FBXL5: variants seen among roughly 807,000 people sequenced by gnomAD.
FBXL5 encodes the protein F-box and leucine rich repeat protein 5, also known as F-box/LRR-repeat protein 5.
In FBXL5, 26 loss-of-function variants were observed where a neutral mutation model predicts 78.3. The observed-to-expected ratio is 0.33, with a 90% CI of 0.24 to 0.46. The LOEUF is 0.46. Among genes scored for constraint, FBXL5 ranks in the 20% least tolerant of loss-of-function variants. The pLI, the probability that FBXL5 is intolerant of heterozygous loss-of-function variation, is 1.00. For synonymous variants in FBXL5, 295 were observed against 282.5 expected (o/e 1.04, Z -0.45); for missense variants, 710 against 829.2 (o/e 0.86, Z 1.77).
chr4:15,673,960 A>G (rs954443876), intron 1 of FBXL5, among the ~76,000 whole-genome samples: 1 of 152,218 alleles, frequency 6.6e-6, no homozygotes, highest in African/African-American at 2.4e-5. Context: ...CTGATATCCA[A>G]TATCTTGGAA....
chr4:15,616,423 G>A (rs1379551439), intron 9 of FBXL5, among the ~76,000 whole-genome samples: 2 of 152,026 alleles, frequency 1.3e-5, no homozygotes, highest in Non-Finnish European at 2.9e-5. Flanking sequence ...CAGGCAACTG[G>A]TGAGCAGGGC....
chr4:15,653,869 G>T (rs1204330086), intron 1 of FBXL5, among the ~76,000 whole-genome samples: 1 of 152,128 alleles, frequency 6.6e-6, no homozygotes, highest in Non-Finnish European at 1.5e-5. Context: ...CTGATGTCTG[G>T]GTGAAATCCT....
At chr4:15,655,467 C>A, upstream of FBXL5, 5 of 880,128 alleles carry the variant, frequency 5.7e-6, no homozygotes, top group African/African-American at 5.4e-5. Flanking sequence ...GCGATCCCTG[C>A]GGCCCACGTG....
chr4:15,628,772 G>GATACAC (rs371927577), intron 6 of FBXL5, among the ~76,000 whole-genome samples: 10 of 140,298 alleles, frequency 7.1e-5, no homozygotes, highest in African/African-American at 2.7e-4. Context: ...GCCAGACACA[G>GATACAC]ACACACACAC....
intron 1 of FBXL5, among the ~76,000 whole-genome samples, chr4:15,670,831 G>A (rs767195386): frequency 9.3e-5 from 14 of 150,908 alleles, no homozygotes; most frequent in Middle Eastern, 3.5e-3. Flanking sequence ...CTGGTACAAC[G>A]GATCTACTGA....
At chr4:15,667,986 A>G (rs1380811457) in intron 1 of FBXL5, among the ~76,000 whole-genome samples, 2 of 151,598 alleles carry the variant, frequency 1.3e-5, no homozygotes, top group Non-Finnish European at 2.9e-5. Context: ...GGTTGCGGTG[A>G]GCCAAGATTG....
chr4:15,641,981 T>A (rs972326829), intron 2 of FBXL5, among the ~76,000 whole-genome samples: 1 of 151,632 alleles, frequency 6.6e-6, no homozygotes. Flanking sequence ...TGAGCCGAGA[T>A]TGCACCACTG....
At chr4:15,612,956 T>C (rs775365478) in intron 9 of FBXL5, among the ~76,000 whole-genome samples, 23 of 152,166 alleles carry the variant, frequency 1.5e-4, no homozygotes, top group Non-Finnish European at 2.1e-4. Context: ...AACTCAAATG[T>C]CCATTAACTA....
At chr4:15,667,735 T>C (rs1717605538) in intron 1 of FBXL5, among the ~76,000 whole-genome samples, 3 of 152,182 alleles carry the variant, frequency 2.0e-5, no homozygotes, top group Admixed American at 2.0e-4. Flanking sequence ...TTTTTACTGA[T>C]GTCTTCTCAT....
chr4:15,667,242 T>C (rs1027431310), intron 1 of FBXL5, among the ~76,000 whole-genome samples: 3 of 152,196 alleles, frequency 2.0e-5, no homozygotes, highest in Admixed American at 2.0e-4. Flanking sequence ...CTCTTTAACC[T>C]TGATGGCAGT....
At chr4:15,667,454 T>C (rs1717595896) in intron 1 of FBXL5, among the ~76,000 whole-genome samples, 2 of 152,146 alleles carry the variant, frequency 1.3e-5, no homozygotes, top group Non-Finnish European at 2.9e-5. Flanking sequence ...CAAAATCATA[T>C]ATTATCTCAA....
At chr4:15,672,311 G>C (rs1450478918) in intron 1 of FBXL5, among the ~76,000 whole-genome samples, 1 of 152,176 alleles carries the variant, frequency 6.6e-6, no homozygotes, top group Non-Finnish European at 1.5e-5. Flanking sequence ...CTCTGAGCAC[G>C]ACACAATTAC....
chr4:15,627,599 A>C (rs1713199485), intron 7 of FBXL5, among the ~76,000 whole-genome samples: 1 of 152,148 alleles, frequency 6.6e-6, no homozygotes, highest in African/African-American at 2.4e-5. Context: ...AATCACATAA[A>C]ACTGGGCTTT....
At chr4:15,612,976 T>C (rs899988670) in intron 9 of FBXL5, among the ~76,000 whole-genome samples, 1 of 152,180 alleles carries the variant, frequency 6.6e-6, no homozygotes, top group Admixed American at 6.5e-5. Context: ...AATAAATGGA[T>C]AAATAAAATG....
At chr4:15,611,964 C>A in intron 10 of FBXL5, 1 of 209,862 alleles carries the variant, frequency 4.8e-6, no homozygotes, top group Non-Finnish European at 9.3e-6. Flanking sequence ...AGAGGAATAC[C>A]TAAAACTTTT....
At chr4:15,655,691 C>T (rs1716847644), upstream of FBXL5, among the ~76,000 whole-genome samples, 1 of 152,230 alleles carries the variant, frequency 6.6e-6, no homozygotes. Flanking sequence ...TGAGGAGAGG[C>T]AGCCAAGCAC....
At chr4:15,660,527 G>A (rs996901461), upstream of FBXL5, among the ~76,000 whole-genome samples, 3 of 152,138 alleles carry the variant, frequency 2.0e-5, no homozygotes, top group African/African-American at 7.2e-5. Flanking sequence ...CCAATAGCCT[G>A]GCTAATACAC....
intron 1 of FBXL5, among the ~76,000 whole-genome samples, chr4:15,653,629 C>G (rs1038994467): frequency 6.8e-6 from 1 of 147,688 alleles, no homozygotes; most frequent in Non-Finnish European, 1.5e-5. Context: ...CTTCCACTTT[C>G]GATTTTTGAG....
upstream of FBXL5, among the ~76,000 whole-genome samples, chr4:15,655,634 T>C (rs1716840567): frequency 1.3e-5 from 2 of 152,218 alleles, no homozygotes; most frequent in South Asian, 4.1e-4. Context: ...GTCGTTGCAG[T>C]GGCGCTCTCG....
Sources: allele counts gnomAD v4.1 joint callset (sites outside exome capture counted in the v4.1 genomes callset), GRCh38; gene constraint gnomAD v4.1.1; transcripts MANE v1.5; gene names NCBI Gene and HGNC (gene_info 2026-07-23, HGNC 2026-07-21).